ENDOD1: variants seen among roughly 807,000 people sequenced by gnomAD.
ENDOD1 encodes endonuclease domain-containing 1 protein.
A neutral mutation model predicts 6.5 loss-of-function variants in ENDOD1; 9 were observed. That is an observed-to-expected ratio of 1.39 (90% confidence interval 0.84 to 2.43). The LOEUF (loss-of-function observed/expected upper bound fraction) is 2.43, where lower values mean the gene tolerates loss of function less well. Ranked by LOEUF, ENDOD1 falls within the 30% of genes most tolerant of loss-of-function variation. The pLI is 0.00. For missense variants in ENDOD1, 648 were observed against 635.5 expected, an observed-to-expected ratio of 1.02 and a Z score of -0.21; for synonymous variants, 255 against 255.2, an observed-to-expected ratio of 1.00 and a Z score of 0.01.
chr11:95,118,003 T>C (rs1555112635), intron 1 of ENDOD1, among the ~76,000 whole-genome samples: 2 of 152,178 alleles, frequency 1.3e-5, no homozygotes, highest in African/African-American at 4.8e-5. Context: ...TTTAATGCTG[T>C]TTGCATAAGC....
In ENDOD1 at chr11:95,128,575, A is replaced by G. The variant is rs758486395; in HGVS notation, c.499A>G (p.Thr167Ala). ...TFTLTNSAPM[T>A]QSFQERWYVN... ...TACTCTCACAAATTCAGCCCCAATG[A>G]CTCAGTCCTTCCAGGAACGGTGGTA... is the stretch of plus-strand genomic sequence containing the variant. The change falls in exon 2 of 2, where the codon ACT (threonine) becomes GCT (alanine). Residue 167 changes from threonine (T) to alanine (A), a missense_variant. Physicochemically the swap from Thr to Ala is moderately conservative, Grantham distance 58. Coordinates refer to ENST00000278505, the MANE Select transcript of ENDOD1 (RefSeq NM_015036.3). 5.0e-6 allele frequency: 8 copies of G among 1,614,006 alleles called. No homozygotes were observed. In the African/African-American group the frequency reaches 1.1e-4, roughly 22 times the overall value.
intron 1 of ENDOD1, among the ~76,000 whole-genome samples, chr11:95,106,668 C>T (rs952412676): frequency 8.5e-5 from 13 of 152,114 alleles, no homozygotes; most frequent in Admixed American, 2.6e-4. Flanking sequence ...ATCCAAAGGA[C>T]CCACAGTATT....
intron 1 of ENDOD1, among the ~76,000 whole-genome samples, chr11:95,117,204 G>A (rs1555112563): frequency 1.3e-5 from 2 of 152,218 alleles, no homozygotes; most frequent in African/African-American, 4.8e-5. Flanking sequence ...CAGGTCAGGA[G>A]TTCCAGACCA....
chr11:95,128,000 T>C (rs967579144), intron 1 of ENDOD1, among the ~76,000 whole-genome samples: 1 of 152,144 alleles, frequency 6.6e-6, no homozygotes, highest in Non-Finnish European at 1.5e-5. Flanking sequence ...CCTCAGATGA[T>C]CCACCCGCCT....
At chr11:95,092,685 C>T (rs1555109986) in intron 1 of ENDOD1, among the ~76,000 whole-genome samples, 1 of 152,092 alleles carries the variant, frequency 6.6e-6, no homozygotes, top group Non-Finnish European at 1.5e-5. Flanking sequence ...AGCCAGGATC[C>T]AGAGAGTATT....
At chr11:95,123,341 A>T (rs1859280857) in intron 1 of ENDOD1, among the ~76,000 whole-genome samples, 1 of 151,476 alleles carries the variant, frequency 6.6e-6, no homozygotes, top group African/African-American at 2.4e-5. Flanking sequence ...AATTTCAGGG[A>T]GATAGAAATA....
intron 1 of ENDOD1, among the ~76,000 whole-genome samples, chr11:95,097,317 A>G (rs1445351498): frequency 3.3e-5 from 5 of 152,192 alleles, no homozygotes; most frequent in Non-Finnish European, 7.4e-5. Context: ...TGAAAGAAGT[A>G]AGAAAGCCAA....
chr11:95,098,280 T>C (rs1466539800), intron 1 of ENDOD1, among the ~76,000 whole-genome samples: 2 of 152,188 alleles, frequency 1.3e-5, no homozygotes, highest in African/African-American at 2.4e-5. Context: ...GTAATGCCTA[T>C]AGTTGATGAT....
chr11:95,128,834 A>G lies in ENDOD1; in HGVS notation c.758A>G (p.Asp253Gly), dbSNP rs749050295. Reference sequence around the variant, plus strand: ...ATCATAGAAGATGTGATGGTAAAAGATCTTCAGAAACTGCTTCCATTTAAC... The same window carrying G: ...ATCATAGAAGATGTGATGGTAAAAGGTCTTCAGAAACTGCTTCCATTTAAC... ...SDIIEDVMVKDLQKLLPFNPQ... is the reference protein window; with the variant it reads ...SDIIEDVMVKGLQKLLPFNPQ... The change falls in exon 2 of 2, where the codon GAT becomes GGT. Residue 253 changes from aspartate to glycine, a missense_variant. Coordinates refer to ENST00000278505, the MANE Select transcript of ENDOD1 (RefSeq NM_015036.3). 6.2e-7 allele frequency: 1 copy of G among 1,614,226 alleles called. No individual in the cohort carries two copies. Among genetic ancestry groups the G allele is most frequent in the Non-Finnish European group, 8.5e-7 (1 of 1,180,040 alleles).
chr11:95,109,797 C>G (rs1405051912), intron 1 of ENDOD1, among the ~76,000 whole-genome samples: 2 of 152,274 alleles, frequency 1.3e-5, no homozygotes, highest in Admixed American at 1.3e-4. Flanking sequence ...TTGCTCTTTA[C>G]CTGCACCTGC....
At chr11:95,114,173 C>T (rs782092113) in intron 1 of ENDOD1, among the ~76,000 whole-genome samples, 1 of 152,164 alleles carries the variant, frequency 6.6e-6, no homozygotes, top group Non-Finnish European at 1.5e-5. Flanking sequence ...CTCTGATGCC[C>T]AGGCACAATC....
At chr11:95,117,426 A>C (rs1407346635) in intron 1 of ENDOD1, among the ~76,000 whole-genome samples, 3 of 152,170 alleles carry the variant, frequency 2.0e-5, no homozygotes, top group Non-Finnish European at 2.9e-5. Context: ...AAAACTTTGC[A>C]TTATATATCT....
At chr11:95,102,679 A>AAAAC (rs35238416) in intron 1 of ENDOD1, among the ~76,000 whole-genome samples, 39,839 of 151,634 alleles carry the variant, frequency 0.26, 5,874 homozygotes, top group East Asian at 0.55. Context: ...CTCAAAAACA[A>AAAAC]AAACAAACAA....
intron 1 of ENDOD1, among the ~76,000 whole-genome samples, chr11:95,115,348 C>T (rs1257347111): frequency 2.0e-5 from 3 of 150,126 alleles, no homozygotes; most frequent in South Asian, 2.1e-4. Context: ...TTGTGTCCTA[C>T]AACTTAACTG....
chr11:95,122,452 T>G (rs1399190395), intron 1 of ENDOD1, among the ~76,000 whole-genome samples: 1 of 151,426 alleles, frequency 6.6e-6, no homozygotes, highest in Admixed American at 6.6e-5. Flanking sequence ...AGGCTGGTCT[T>G]GAACTCTTGA....
chr11:95,095,497 A>T (rs1005931104), intron 1 of ENDOD1, among the ~76,000 whole-genome samples: 4 of 5,088 alleles, frequency 7.9e-4, no homozygotes, highest in Admixed American at 2.2e-3. Context: ...TTTGTTTTGC[A>T]GGCCATTCTC....
At position 95,128,637 on chromosome 11, in the gene ENDOD1, C is replaced by T; in HGVS notation, c.561C>T (p.Thr187=). 1 of 1,614,168 alleles carries T rather than the reference C, an allele frequency of 6.2e-7. No homozygotes were observed. Among genetic ancestry groups the T allele is most frequent in the Admixed American group, 1.7e-5 (1 of 60,026 alleles). ...ACAGCCTAATGGACCGGGCTTTGAC[C>T]CCACAGTGTGGCAGTGGGGAAGACC... is the stretch of plus-strand genomic sequence containing the variant. The part of the protein sequence containing the change: ...NLHSLMDRAL[T]PQCGSGEDLY... Residue 187 remains threonine, a synonymous_variant, in exon 2 of 2, where the codon ACC becomes ACT. Coordinates refer to ENST00000278505, the MANE Select transcript of ENDOD1 (RefSeq NM_015036.3).
At chr11:95,103,093 CAG>C (rs1182816240) in intron 1 of ENDOD1, among the ~76,000 whole-genome samples, 8 of 108,536 alleles carry the variant, frequency 7.4e-5, no homozygotes, top group South Asian at 7.8e-4. Context: ...AGGAACTAGG[CAG>C]AGTGGGTGTG....
intron 1 of ENDOD1, among the ~76,000 whole-genome samples, chr11:95,099,937 C>T (rs150661009): frequency 2.6e-5 from 4 of 152,198 alleles, no homozygotes; most frequent in East Asian, 1.9e-4. Flanking sequence ...GAAATATCTA[C>T]GGTTGATGTT....
Sources: gnomAD v4.1 joint callset for allele counts (sites outside exome capture counted in the v4.1 genomes callset) on GRCh38, gnomAD v4.1.1 for gene constraint, MANE v1.5 for transcripts, NCBI Gene and HGNC (gene_info 2026-07-23, HGNC 2026-07-21) for gene names.